Variants in RBFOX1 observed in about 807,000 individuals in gnomAD.
RBFOX1 encodes the protein RNA binding protein fox-1 homolog 1.
RBFOX1 carries 8 observed loss-of-function variants against 57.7 expected under a neutral mutation model. The observed-to-expected ratio is 0.14, with a 90% CI of 0.08 to 0.25. The LOEUF (loss-of-function observed/expected upper bound fraction) is 0.25. RBFOX1 is among the 10% of genes least tolerant of loss of function. The pLI, the probability that RBFOX1 is intolerant of heterozygous loss-of-function variation, is 1.00. For synonymous variants in RBFOX1, 326 were observed against 222.4 expected (o/e 1.47, Z -4.15); for missense variants, 611 against 548.5 (o/e 1.11, Z -1.14).
chr16:5,599,437 G>A (rs1189670335), exon 3 of RBFOX1: 1 of 557,856 alleles, frequency 1.8e-6, no homozygotes, highest in Middle Eastern at 4.7e-4. Context: ...GATGATGGCA[G>A]TGAATTCCCG....
chr16:7,226,822 C>G (rs1333008481), intron 4 of RBFOX1, among the ~76,000 whole-genome samples: 2 of 152,154 alleles, frequency 1.3e-5, no homozygotes, highest in African/African-American at 2.4e-5. Flanking sequence ...AGCAAATTAT[C>G]TCATTAAAAT....
chr16:7,065,902 A>T (rs971825630), intron 4 of RBFOX1, among the ~76,000 whole-genome samples: 1 of 152,192 alleles, frequency 6.6e-6, no homozygotes, highest in Non-Finnish European at 1.5e-5. Flanking sequence ...CATGGGGTAC[A>T]TGTCTTTCTG....
chr16:5,356,831 T>C (rs984599139), intron 1 of RBFOX1, among the ~76,000 whole-genome samples: 2 of 152,234 alleles, frequency 1.3e-5, no homozygotes, highest in African/African-American at 4.8e-5. Flanking sequence ...ATTGTCCTTA[T>C]GTTTGTTGCC....
At chr16:5,449,347 G>T (rs2068351162) in intron 1 of RBFOX1, among the ~76,000 whole-genome samples, 2 of 152,072 alleles carry the variant, frequency 1.3e-5, no homozygotes, top group African/African-American at 4.8e-5. Context: ...ATCTCTTCAG[G>T]TTGCTTTGTT....
At chr16:7,667,891 C>CTGGAACTCCTGACCTCAAG (rs2069928955) in intron 13 of RBFOX1, among the ~76,000 whole-genome samples, 1 of 152,122 alleles carries the variant, frequency 6.6e-6, no homozygotes, top group South Asian at 2.1e-4. Flanking sequence ...CCAGGGTGGT[C>CTGGAACTCCTGACCTCAAG]TGGAACTCCT....
chr16:5,904,805 G>A (rs1254611258), intron 4 of RBFOX1, among the ~76,000 whole-genome samples: 2 of 151,450 alleles, frequency 1.3e-5, no homozygotes, highest in Non-Finnish European at 2.9e-5. Context: ...GTGAAACCCT[G>A]TCTCTACTAA....
chr16:5,895,174 A>C (rs1230254769), intron 4 of RBFOX1, among the ~76,000 whole-genome samples: 1 of 152,236 alleles, frequency 6.6e-6, no homozygotes, highest in Non-Finnish European at 1.5e-5. Context: ...TCAACATTTC[A>C]TGCCCTTGCC....
chr16:7,001,406 GTA>G (rs1555743491), intron 3 of RBFOX1, among the ~76,000 whole-genome samples: 1 of 121,550 alleles, frequency 8.2e-6, no homozygotes, highest in African/African-American at 3.2e-5. Flanking sequence ...ATTTGTATAT[GTA>G]TATGTATATG....
At chr16:7,401,093 T>C (rs1158182006) in intron 4 of RBFOX1, among the ~76,000 whole-genome samples, 1 of 152,206 alleles carries the variant, frequency 6.6e-6, no homozygotes, top group Non-Finnish European at 1.5e-5. Flanking sequence ...CAGGAGAATT[T>C]GCCTGAAGAG....
At chr16:6,083,671 C>G (rs930518140) in intron 1 of RBFOX1, among the ~76,000 whole-genome samples, 3 of 152,066 alleles carry the variant, frequency 2.0e-5, no homozygotes, top group African/African-American at 7.2e-5. Flanking sequence ...GACACGGGGT[C>G]TCACTGTGTT....
intron 4 of RBFOX1, among the ~76,000 whole-genome samples, chr16:7,384,772 A>G (rs902440352): frequency 2.0e-5 from 3 of 152,152 alleles, no homozygotes; most frequent in Middle Eastern, 3.2e-3. Flanking sequence ...TTGAATGCCA[A>G]CCCTTCTCAG....
chr16:6,814,243 A>C (rs1434263614), intron 3 of RBFOX1, among the ~76,000 whole-genome samples: 4 of 121,692 alleles, frequency 3.3e-5, no homozygotes, highest in African/African-American at 1.2e-4. Context: ...CAGAGAGAAA[A>C]TTGTGGTGGG....
chr16:5,425,774 C>A (rs1417702738), intron 1 of RBFOX1, among the ~76,000 whole-genome samples: 2 of 152,184 alleles, frequency 1.3e-5, no homozygotes, highest in African/African-American at 4.8e-5. Flanking sequence ...CCCACCTCTT[C>A]CAGATCACCT....
intron 3 of RBFOX1, among the ~76,000 whole-genome samples, chr16:6,901,116 G>A (rs1391603266): frequency 6.6e-6 from 1 of 152,048 alleles, no homozygotes; most frequent in African/African-American, 2.4e-5. Context: ...ATTTCCTATC[G>A]ACAGGCTTTG....
chr16:7,562,253 C>A (rs192893181), intron 5 of RBFOX1, among the ~76,000 whole-genome samples: 1 of 152,090 alleles, frequency 6.6e-6, no homozygotes, highest in East Asian at 1.9e-4. Context: ...AAAAGTGGAG[C>A]CTTGCTGGTG....
chr16:6,916,420 G>A (rs2073170274), intron 3 of RBFOX1, among the ~76,000 whole-genome samples: 1 of 151,984 alleles, frequency 6.6e-6, no homozygotes, highest in Non-Finnish European at 1.5e-5. Flanking sequence ...TATATCCCTA[G>A]GTGTGGAATT....
rs142652106 is a variant in RBFOX1 at position 5,341,320 on chromosome 16, G to T, written c.219+101215G>T. On this transcript the variant is annotated intron_variant, in intron 1 of 2. Transcript: ENST00000585867. ...GTCTGATTTATATTGAGTAATACTG[G>T]ATCCTGTTTGAAGAATAGGTTGGTG... Among the ~76,000 whole-genome samples the T allele has an allele frequency of 3.5e-3, 539 of 152,294 alleles. 2 individuals carry two copies. The highest frequency in any genetic ancestry group is 0.013 in the African/African-American group (520 of 41,550).
chr16:6,233,503 C>T (rs1472814270), intron 1 of RBFOX1, among the ~76,000 whole-genome samples: 2 of 152,102 alleles, frequency 1.3e-5, no homozygotes, highest in East Asian at 1.9e-4. Context: ...ACATTGCTCT[C>T]AGGAAGGAGA....
chr16:6,464,674 T>C (rs886738721), intron 2 of RBFOX1, among the ~76,000 whole-genome samples: 5 of 152,238 alleles, frequency 3.3e-5, no homozygotes, highest in Non-Finnish European at 7.3e-5. Context: ...TTCGCAATGA[T>C]TCACCCTAGA....
Sources: gnomAD v4.1 joint callset for allele counts (sites outside exome capture counted in the v4.1 genomes callset) on GRCh38, gnomAD v4.1.1 for gene constraint, MANE v1.5 for transcripts, NCBI Gene and HGNC (gene_info 2026-07-23, HGNC 2026-07-21) for gene names.